The following RALY variants were observed in gnomAD, a reference collection of about 807,000 sequenced individuals.
RALY encodes the protein RALY heterogeneous nuclear ribonucleoprotein.
A neutral mutation model predicts 30.7 loss-of-function variants in RALY; 15 were observed. The observed-to-expected ratio is 0.49, with a 90% confidence interval of 0.33 to 0.75. RALY has a LOEUF of 0.75. RALY is among the 30% of genes least tolerant of loss of function. RALY has a pLI of 0.02. For synonymous variants in RALY, 177 were observed against 170.8 expected (o/e 1.04, Z -0.28); for missense variants, 339 against 414.3 (o/e 0.82, Z 1.58).
chr20:34,021,291 C>T (rs973936374), intron 1 of RALY, among the ~76,000 whole-genome samples: 9 of 152,134 alleles, frequency 5.9e-5, no homozygotes, highest in African/African-American at 1.9e-4. Context: ...CCATTTTGTG[C>T]TGCTGTAACA....
At chr20:34,043,940 C>G (rs2032788220) in intron 2 of RALY, among the ~76,000 whole-genome samples, 1 of 151,794 alleles carries the variant, frequency 6.6e-6, no homozygotes, top group Non-Finnish European at 1.5e-5. Context: ...TTGGAGGGGA[C>G]CACTACCTGA....
At chr20:34,004,403 C>T (rs145246150) in intron 1 of RALY, among the ~76,000 whole-genome samples, 30 of 152,312 alleles carry the variant, frequency 2.0e-4, no homozygotes, top group African/African-American at 6.3e-4. Flanking sequence ...TTTTCTCAAC[C>T]GATGTGCTTC....
chr20:33,998,983 A>G (rs980880867), intron 1 of RALY, among the ~76,000 whole-genome samples: 3 of 151,946 alleles, frequency 2.0e-5, no homozygotes, highest in African/African-American at 2.4e-5. Context: ...AAAAAAAATT[A>G]GTCGGGTGTG....
Position 34,084,679 on chromosome 20 carries a change from C to A in RALY, c.*4774C>A, listed in dbSNP as rs1292475950. The A allele has an allele frequency of 6.6e-6, 1 of 152,316 alleles. No individual in the cohort carries two copies. Among genetic ancestry groups the A allele is most frequent in the East Asian group, 1.9e-4 (1 of 5,200 alleles). 9.4% of individuals were successfully genotyped at this position (152,316 alleles called of 1,614,324 possible). ...ACTCTAGCTCTTGGGACCCAACCAC[C>A]ATGCTGTGAAGCAGCCCAGGCCACA... On this transcript the variant is annotated 3_prime_UTR_variant, in exon 10 of 10. Transcript: ENST00000246194.
At chr20:34,025,884 A>T (rs2032006686) in intron 1 of RALY, among the ~76,000 whole-genome samples, 1 of 139,142 alleles carries the variant, frequency 7.2e-6, no homozygotes, top group Non-Finnish European at 1.5e-5. Context: ...AGCTTCCAGC[A>T]GTAGATTCCT....
intron 8 of RALY, chr20:34,077,605 G>C (rs2033930635): frequency 2.7e-6 from 1 of 364,664 alleles, no homozygotes; most frequent in African/African-American, 2.1e-5. Context: ...GCCAGGAGGT[G>C]GGTTTTTCTA....
intron 1 of RALY, among the ~76,000 whole-genome samples, chr20:33,997,323 C>G (rs983105279): frequency 2.6e-5 from 4 of 152,166 alleles, no homozygotes; most frequent in Non-Finnish European, 4.4e-5. Flanking sequence ...CCACGTTGGC[C>G]AGGCTGGCTT....
At chr20:34,017,071 C>T (rs563937760) in intron 1 of RALY, among the ~76,000 whole-genome samples, 3 of 15,370 alleles carry the variant, frequency 2.0e-4, no homozygotes, top group African/African-American at 5.0e-4. Flanking sequence ...CCTGAACAAA[C>T]GGGGAAATGG....
intron 8 of RALY, 54 bp downstream of exon 8, chr20:34,077,299 G>A: frequency 6.2e-7 from 1 of 1,604,610 alleles, no homozygotes; most frequent in South Asian, 1.1e-5. Flanking sequence ...CTACTCTCAG[G>A]AGGCCAACAG....
chr20:34,068,691 C>T (rs1168527367), intron 2 of RALY, among the ~76,000 whole-genome samples: 1 of 152,202 alleles, frequency 6.6e-6, no homozygotes, highest in Non-Finnish European at 1.5e-5. Flanking sequence ...AATACCATGT[C>T]TTAATTTAGA....
chr20:34,037,817 G>C (rs1325477884), intron 2 of RALY, among the ~76,000 whole-genome samples: 1 of 152,216 alleles, frequency 6.6e-6, no homozygotes, highest in Non-Finnish European at 1.5e-5. Context: ...GTATGGGGAT[G>C]AATGTTTGAC....
intron 1 of RALY, among the ~76,000 whole-genome samples, chr20:34,021,792 A>T (rs1023024895): frequency 6.6e-6 from 1 of 152,194 alleles, no homozygotes; most frequent in Non-Finnish European, 1.5e-5. Flanking sequence ...AGTAGAATAA[A>T]GAAAAGACTC....
At chr20:34,047,377 G>C (rs1006605615) in intron 2 of RALY, among the ~76,000 whole-genome samples, 1 of 152,124 alleles carries the variant, frequency 6.6e-6, no homozygotes, top group Non-Finnish European at 1.5e-5. Flanking sequence ...GCAGGGGGCA[G>C]TGTTGATGGT....
At chr20:34,036,529 G>T (rs754818804) in intron 2 of RALY, among the ~76,000 whole-genome samples, 3 of 152,100 alleles carry the variant, frequency 2.0e-5, no homozygotes, top group Admixed American at 1.3e-4. Flanking sequence ...TCTGCTTTTG[G>T]CATTAGGGTG....
At chr20:34,065,837 C>T (rs1441326204) in intron 2 of RALY, among the ~76,000 whole-genome samples, 1 of 152,160 alleles carries the variant, frequency 6.6e-6, no homozygotes, top group Non-Finnish European at 1.5e-5. Flanking sequence ...CCAGAGGGGT[C>T]CAGCAGGACT....
rs572376894 is a variant in RALY, at chr20:33,999,547, A to G, written c.-93+5416A>G. On this transcript the variant is annotated intron_variant, in intron 1 of 9. Coordinates refer to ENST00000246194, the MANE Select transcript of RALY (RefSeq NM_016732.3). ...TTAAGCCAAGAAAAGTTTACATTTT[A>G]TCCAGGCTACATCCTTTGGCACTGG... 1.2e-4 allele frequency among the ~76,000 whole-genome samples: 18 copies of G among 152,326 alleles called. No homozygotes were observed. In the South Asian group the frequency reaches 3.5e-3, roughly 30 times the overall value.
chr20:34,075,068 G>A (rs2033835532), intron 5 of RALY, among the ~76,000 whole-genome samples: 1 of 152,090 alleles, frequency 6.6e-6, no homozygotes, highest in Admixed American at 6.5e-5. Context: ...TGGAAAGGAA[G>A]CCCTCCTAGA....
intron 3 of RALY, among the ~76,000 whole-genome samples, chr20:34,072,959 T>TGTGTGTGTGTGTGTGTGA (rs142692706): frequency 1.3e-5 from 2 of 149,002 alleles, no homozygotes; most frequent in African/African-American, 5.0e-5. Flanking sequence ...TGTGTGTGTG[T>TGTGTGTGTGTGTGTGTGA]GAGAGAGAGA....
intron 1 of RALY, among the ~76,000 whole-genome samples, chr20:34,001,978 A>C (rs1601397254): frequency 6.6e-6 from 1 of 152,156 alleles, no homozygotes; most frequent in Non-Finnish European, 1.5e-5. Context: ...AGTGTTCGCC[A>C]GGATGGTCTC....
Sources: gnomAD v4.1 joint callset for allele counts (sites outside exome capture counted in the v4.1 genomes callset) on GRCh38, gnomAD v4.1.1 for gene constraint, MANE v1.5 for transcripts, NCBI Gene and HGNC (gene_info 2026-07-23, HGNC 2026-07-21) for gene names.